Variants in MRI1 observed in about 807,000 individuals in gnomAD.
MRI1 encodes the protein methylthioribose-1-phosphate isomerase.
A neutral mutation model predicts 27.3 loss-of-function variants in MRI1; 32 were observed. The ratio of observed to expected loss-of-function variants is 1.17; its 90% CI spans 0.88 to 1.57. The LOEUF is 1.57. MRI1 is among the 40% of genes most tolerant of loss of function. The pLI, the probability that MRI1 is intolerant of heterozygous loss-of-function variation, is 0.00. For missense variants in MRI1, 508 were observed against 516.1 expected, an observed-to-expected ratio of 0.98 and a Z score of 0.15; for synonymous variants, 216 against 227.4, an observed-to-expected ratio of 0.95 and a Z score of 0.45.
intron 5 of MRI1, among the ~76,000 whole-genome samples, chr19:13,771,281 C>T (rs1262412020): frequency 1.3e-5 from 2 of 151,118 alleles, no homozygotes; most frequent in South Asian, 2.1e-4. Context: ...GCAGGAGAAT[C>T]GCTTGAACCT....
At chr19:13,770,253 T>C (rs1327132156) in intron 5 of MRI1, among the ~76,000 whole-genome samples, 1 of 152,174 alleles carries the variant, frequency 6.6e-6, no homozygotes, top group Non-Finnish European at 1.5e-5. Flanking sequence ...GTCAGTGAAT[T>C]AACCCACAGG....
intron 5 of MRI1, among the ~76,000 whole-genome samples, chr19:13,770,401 A>T (rs1215737645): frequency 6.6e-6 from 1 of 152,044 alleles, no homozygotes; most frequent in Non-Finnish European, 1.5e-5. Flanking sequence ...CCTAGCCAAC[A>T]GAGCGAAACC....
chr19:13,770,086 C>A (rs976903420), intron 5 of MRI1, among the ~76,000 whole-genome samples: 1 of 152,166 alleles, frequency 6.6e-6, no homozygotes, highest in Admixed American at 6.6e-5. Flanking sequence ...CAGGTGTGAG[C>A]TCCCATGCCT....
Position 13,764,630 on chromosome 19 carries a change from G to A in MRI1, c.42G>A (p.Gln14=), listed in dbSNP as rs375963533. The A allele has an allele frequency of 6.2e-7, 1 of 1,609,332 alleles. No homozygotes were observed. Residue 14 remains glutamine (Q), a synonymous_variant, in exon 1 of 6, where the codon CAG becomes CAA. Transcript: ENST00000040663. ...TCCGCTACTCGCGGGGCTCCCTGCA[G>A]ATCCTAGACCAGCTGCTGCTGCCCA... The part of the protein sequence containing the change: ...EAIRYSRGSL[Q]ILDQLLLPKQ...
intron 3 of MRI1, among the ~76,000 whole-genome samples, chr19:13,767,037 ATTTTTTTTTTT>A (rs1161584156): frequency 3.7e-3 from 79 of 21,100 alleles, no homozygotes; most frequent in Middle Eastern, 0.033. Flanking sequence ...ATATATATAT[ATTTTTTTTTTT>A]TTTTTTTTTT....
At position 13,772,197 on chromosome 19, in the gene MRI1, G is replaced by T. The variant is rs1371405013; in HGVS notation, c.1026G>T (p.Gly342=). The part of the protein sequence containing the change: ...LITGGIITEL[G]VFAPEELRTA... ...CTGGTGGCATCATCACAGAACTGGG[G>T]GTCTTTGCCCCTGAGGAGCTCCGGA... The change falls in exon 6 of 6, where the codon GGG becomes GGT. Residue 342 remains glycine (G), a synonymous_variant. Coordinates refer to ENST00000040663, the MANE Select transcript of MRI1 (RefSeq NM_001031727.4). The T allele has an allele frequency of 6.2e-7, 1 of 1,613,862 alleles. No homozygotes were observed. The highest frequency in any genetic ancestry group is 8.5e-7 in the Non-Finnish European group (1 of 1,179,970).
Position 13,772,374 on chromosome 19 carries a change from C to T in MRI1, c.*93C>T, listed in dbSNP as rs1974287330. The T allele has an allele frequency of 7.8e-7, 1 of 1,287,370 alleles. No homozygotes were observed. Among genetic ancestry groups the T allele is most frequent in the Non-Finnish European group, 1.1e-6 (1 of 935,314 alleles). The allele number at this position is 1,287,370 out of a possible 1,614,324, so 79.7% of individuals were successfully genotyped here. ...GCTGACCGTCCAGCCCCTGACCACA[C>T]TTGTTCCTAGTGCAGGGAGCTCAGA... is the stretch of plus-strand genomic sequence containing the variant. On this transcript the variant is annotated 3_prime_UTR_variant, in exon 6 of 6. Coordinates refer to ENST00000040663, the MANE Select transcript of MRI1 (RefSeq NM_001031727.4).
chr19:13,768,468 GC>G, intron 3 of MRI1, 92 bp from the exon 4 acceptor site: 6 of 1,580,268 alleles, frequency 3.8e-6, no homozygotes, highest in Non-Finnish European at 5.2e-6. Context: ...GGCAATCCAC[GC>G]CCAGACTAGG....
At chr19:13,766,800 G>A (rs1974133973) in intron 3 of MRI1, among the ~76,000 whole-genome samples, 1 of 151,752 alleles carries the variant, frequency 6.6e-6, no homozygotes, top group South Asian at 2.1e-4. Context: ...ATTTGCTGGG[G>A]ACGCAGCAGT....
chr19:13,768,807 AT>A lies in MRI1; in HGVS notation c.725-16del, dbSNP rs201780562. ...GCCAGGTAATGACCCCCAACTTCTC[AT>A]ACGCCCCCTCCCCAGCTGTGGTCGT... On this transcript the variant is annotated splice_polypyrimidine_tract_variant and intron_variant, in intron 4 of 5. Coordinates refer to ENST00000040663, the MANE Select transcript of MRI1 (RefSeq NM_001031727.4). The A allele has an allele frequency of 6.3e-7, 1 of 1,588,678 alleles. No individual in the cohort carries two copies. The highest frequency in any genetic ancestry group is 1.4e-5 in the African/African-American group (1 of 69,106).
At chr19:13,772,025 C>A in intron 5 of MRI1, 96 bp from the exon 6 acceptor site, 2 of 1,266,960 alleles carry the variant, frequency 1.6e-6, no homozygotes, top group Non-Finnish European at 2.2e-6. Context: ...GACTCCCCAA[C>A]TCCAAGAACC....
chr19:13,771,019 G>A (rs1312597401), intron 5 of MRI1, among the ~76,000 whole-genome samples: 1 of 152,016 alleles, frequency 6.6e-6, no homozygotes, highest in African/African-American at 2.4e-5. Context: ...TTGAGCTCAG[G>A]AGTTCAAGAC....
rs753566832 is a variant in MRI1 at position 13,768,878 on chromosome 19, T to G, written c.779T>G (p.Val260Gly). Residue 260 changes from valine (V) to glycine (G), a missense_variant, in exon 5 of 6, where the codon GTG becomes GGG. Transcript: ENST00000040663. ...VVANGDTANK[V>G]GTYQLAIVAK... ...GCCAACGGCGACACAGCCAACAAGG[T>G]GGGCACCTACCAGCTGGCCATTGTC... is the stretch of plus-strand genomic sequence containing the variant. The G allele has an allele frequency of 6.2e-7, 1 of 1,613,602 alleles. No individual in the cohort carries two copies. Among genetic ancestry groups the G allele is most frequent in the Non-Finnish European group, 8.5e-7 (1 of 1,179,706 alleles).
intron 3 of MRI1, among the ~76,000 whole-genome samples, chr19:13,766,755 A>AT (rs1974133069): frequency 6.6e-6 from 1 of 151,982 alleles, no homozygotes; most frequent in African/African-American, 2.4e-5. Flanking sequence ...CTCACCCAGC[A>AT]TTTAGTAAGC....
chr19:13,764,722 TGCAGCGGGGCGGCGGG>T lies in MRI1; in HGVS notation c.132+5_132+20del, dbSNP rs1599548635. On this transcript the variant is annotated splice_donor_5th_base_variant and intron_variant, in intron 1 of 5. Transcript: ENST00000040663. ...TGGGAGGCCATCCGCGCCATGAAGG[TGCAGCGGGGCGGCGGG>T]GCGGCGGGGCGGCGGGGCGGCGGGG... The T allele has an allele frequency of 7.6e-7, 1 of 1,321,242 alleles. No homozygotes were observed. Among genetic ancestry groups the T allele is most frequent in the South Asian group, 1.7e-5 (1 of 59,048 alleles). 81.8% of individuals were successfully genotyped at this position (1,321,242 alleles called of 1,614,324 possible).
In MRI1 at chr19:13,772,581, C is replaced by T. The variant is rs942434909; in HGVS notation, c.*300C>T. 5 of 199,446 alleles carry T rather than the reference C, an allele frequency of 2.5e-5. No individual in the cohort carries two copies. Among genetic ancestry groups the T allele is most frequent in the South Asian group, 2.4e-4 (2 of 8,488 alleles). The allele number at this position is 199,446 out of a possible 1,614,324, so 12.4% of individuals were successfully genotyped here. ...CAGTGGCTCACACCTGTAATCCCAG[C>T]ACTTTGGGAGGCCGAGGCAGGTGGA... On this transcript the variant is annotated 3_prime_UTR_variant, in exon 6 of 6. Coordinates refer to ENST00000040663, the MANE Select transcript of MRI1 (RefSeq NM_001031727.4).
In MRI1 at chr19:13,766,140, C is replaced by T. The variant is rs772561961; in HGVS notation, c.547+11C>T. ...ATGGTACAGCCCTAGGTGAGAGGGC[C>T]TCCTCAGGGGGTAGGGGAGGGCCTT... On this transcript the variant is annotated intron_variant, in intron 3 of 5. Transcript: ENST00000040663. The T allele has an allele frequency of 5.9e-6, 9 of 1,527,890 alleles. No individual in the cohort carries two copies. The highest frequency in any genetic ancestry group is 1.2e-5 in the South Asian group (1 of 80,480). 94.6% of individuals were successfully genotyped at this position (1,527,890 alleles called of 1,614,324 possible).
Position 13,772,384 on chromosome 19 carries a change from G to A in MRI1, c.*103G>A. ...CAGCCCCTGACCACACTTGTTCCTA[G>A]TGCAGGGAGCTCAGACAGGGCCTTC... On this transcript the variant is annotated 3_prime_UTR_variant, in exon 6 of 6. Coordinates refer to ENST00000040663, the MANE Select transcript of MRI1 (RefSeq NM_001031727.4). 1 of 1,178,148 alleles carries A rather than the reference G, an allele frequency of 8.5e-7. No homozygotes were observed. The highest frequency in any genetic ancestry group is 1.2e-6 in the Non-Finnish European group (1 of 848,514). The allele number at this position is 1,178,148 out of a possible 1,614,324, so 73.0% of individuals were successfully genotyped here. A position where few individuals can be genotyped will look rare whatever the true frequency, so the allele number is the denominator to read the frequency against.
At chr19:13,767,574 G>C (rs1308561153) in intron 3 of MRI1, among the ~76,000 whole-genome samples, 1 of 152,014 alleles carries the variant, frequency 6.6e-6, no homozygotes, top group Non-Finnish European at 1.5e-5. Flanking sequence ...GGAGGCCAAG[G>C]TGGGCGGATC....
Sources: gnomAD v4.1 joint callset for allele counts (sites outside exome capture counted in the v4.1 genomes callset) on GRCh38, gnomAD v4.1.1 for gene constraint, MANE v1.5 for transcripts, NCBI Gene and HGNC (gene_info 2026-07-23, HGNC 2026-07-21) for gene names.